The following EFEMP1 variants were observed in gnomAD, a reference collection of about 807,000 sequenced individuals.
The protein encoded by EFEMP1 is EGF-containing fibulin-like extracellular matrix protein 1.
In EFEMP1, 18 loss-of-function variants were observed where a neutral mutation model predicts 65.7. The observed-to-expected ratio is 0.27, with a 90% CI of 0.19 to 0.41. The LOEUF is 0.41. Ranked by LOEUF, EFEMP1 falls within the 10% of genes least tolerant of loss-of-function variation. EFEMP1 has a pLI of 1.00. For synonymous variants in EFEMP1, 237 were observed against 219.7 expected, an observed-to-expected ratio of 1.08 and a Z score of -0.70; for missense variants, 469 against 624.8, an observed-to-expected ratio of 0.75 and a Z score of 2.66.
At chr2:55,879,709 A>G (rs1245101812) in intron 6 of EFEMP1, among the ~76,000 whole-genome samples, 1 of 152,168 alleles carries the variant, frequency 6.6e-6, no homozygotes, top group African/African-American at 2.4e-5. Context: ...GCACCATGCT[A>G]CTTGAAGTGT....
At chr2:55,907,859 G>A (rs1670339413) in intron 5 of EFEMP1, among the ~76,000 whole-genome samples, 2 of 152,160 alleles carry the variant, frequency 1.3e-5, no homozygotes, top group South Asian at 2.1e-4. Context: ...TCCCCACAAC[G>A]ATTTAACTAC....
chr2:55,916,080 A>G (rs1670666389), intron 5 of EFEMP1, among the ~76,000 whole-genome samples: 1 of 151,974 alleles, frequency 6.6e-6, no homozygotes, highest in Non-Finnish European at 1.5e-5. Context: ...GAAATAAATA[A>G]GAGTCAGAGC....
Position 55,870,942 on chromosome 2 carries a change from C to T in EFEMP1, c.1125-27G>A. 2 of 1,613,688 alleles carry T rather than the reference C, an allele frequency of 1.2e-6. No homozygotes were observed. The highest frequency in any genetic ancestry group is 1.7e-5 in the Admixed American group (1 of 59,898). ...TGCAGAGACAAACAAAAGTATTCAG[C>T]AGTTTGGCTTGGTAAGACCAGAAAA... is the stretch of plus-strand genomic sequence containing the variant. On this transcript the variant is annotated intron_variant, in intron 10 of 11. Transcript: ENST00000355426. This position sits in a 1 kb window ranked among gnomAD's most constrained non-coding sequence, Gnocchi z 5.8.
In EFEMP1 at chr2:55,885,711, C is replaced by G. The variant is rs1394344808; in HGVS notation, c.518-3977G>C. On this transcript the variant is annotated intron_variant, in intron 5 of 11. Coordinates refer to ENST00000355426, the MANE Select transcript of EFEMP1 (RefSeq NM_001039348.3). This position sits in a 1 kb window ranked among gnomAD's most constrained non-coding sequence, Gnocchi z 4.3. ...AACACAGGCTAATCTTTGCTCAGCT[C>G]TTCTAGCCTCTTTATCACACCGACC... 6.6e-6 allele frequency among the ~76,000 whole-genome samples: 1 copy of G among 152,090 alleles called. No individual in the cohort carries two copies. Among genetic ancestry groups the G allele is most frequent in the African/African-American group, 2.4e-5 (1 of 41,402 alleles).
chr2:55,918,141 C>T (rs1670776478), intron 4 of EFEMP1, 78 bp downstream of exon 4: 1 of 1,612,838 alleles, frequency 6.2e-7, no homozygotes, highest in South Asian at 1.1e-5. Context: ...TGGTATAACA[C>T]AGACAGGACA....
At chr2:55,898,534 TA>T (rs762286477) in intron 5 of EFEMP1, among the ~76,000 whole-genome samples, 4 of 152,122 alleles carry the variant, frequency 2.6e-5, no homozygotes, top group Non-Finnish European at 4.4e-5. Context: ...CCCTTTTCCA[TA>T]AATCAGACTG....
Position 55,886,899 on chromosome 2 carries a change from C to A in EFEMP1, c.518-5165G>T, listed in dbSNP as rs1010589352. ...CAGTATTTGCTATTGATAATGATAACCTGAGTAATTAATATAATAAATTAT... is the reference window on the plus strand; with the variant it reads ...CAGTATTTGCTATTGATAATGATAAACTGAGTAATTAATATAATAAATTAT... On this transcript the variant is annotated intron_variant, in intron 5 of 11. Coordinates refer to ENST00000355426, the MANE Select transcript of EFEMP1 (RefSeq NM_001039348.3). This position sits in a 1 kb window ranked among gnomAD's most constrained non-coding sequence, Gnocchi z 4.0. Among the ~76,000 whole-genome samples the A allele has an allele frequency of 1.3e-5, 2 of 151,866 alleles. No individual in the cohort carries two copies. The highest frequency in any genetic ancestry group is 2.9e-5 in the Non-Finnish European group (2 of 67,958).
Position 55,869,386 on chromosome 2 carries a change from C to A in EFEMP1, c.1320+1334G>T, listed in dbSNP as rs573990404. The stretch of plus-strand genomic sequence containing the variant: ...AAATTCATTCAGTGGAAATTTCTTA[C>A]AAATATCAAGAATATGTCAAATTTA... On this transcript the variant is annotated intron_variant, in intron 11 of 11. Coordinates refer to ENST00000355426, the MANE Select transcript of EFEMP1 (RefSeq NM_001039348.3). Among the ~76,000 whole-genome samples, 15 of 152,054 alleles carry A rather than the reference C, an allele frequency of 9.9e-5. No homozygotes were observed. The South Asian group carries it at 2.9e-3, about 29-fold the overall frequency.
rs1572856380 is a variant in EFEMP1 at position 55,922,281 on chromosome 2, C to T, written c.81+79G>A. On this transcript the variant is annotated intron_variant, in intron 3 of 11. Coordinates refer to ENST00000355426, the MANE Select transcript of EFEMP1 (RefSeq NM_001039348.3). The surrounding 1 kb of genome is among the most constrained non-coding windows in gnomAD (Gnocchi z 5.5). ...CTCAGCAGAGTATAGCCCAAATACACTGGCAGGGGTGTGTAAAGTCTTTTT... is the reference window on the plus strand; with the variant it reads ...CTCAGCAGAGTATAGCCCAAATACATTGGCAGGGGTGTGTAAAGTCTTTTT... 2.3e-6 allele frequency: 3 copies of T among 1,309,800 alleles called. No individual in the cohort carries two copies. The highest frequency in any genetic ancestry group is 4.7e-5 in the East Asian group (2 of 42,976). The allele number at this position is 1,309,800 out of a possible 1,614,324, so 81.1% of individuals were successfully genotyped here.
At chr2:55,872,574 A>G (rs1668853670) in intron 9 of EFEMP1, among the ~76,000 whole-genome samples, 1 of 152,130 alleles carries the variant, frequency 6.6e-6, no homozygotes, top group Non-Finnish European at 1.5e-5. Context: ...TGAAAAACAA[A>G]TAAGGGTTTA....
chr2:55,922,325 G>A lies in EFEMP1; in HGVS notation c.81+35C>T. On this transcript the variant is annotated intron_variant, in intron 3 of 11. Coordinates refer to ENST00000355426, the MANE Select transcript of EFEMP1 (RefSeq NM_001039348.3). The surrounding 1 kb of genome is among the most constrained non-coding windows in gnomAD (Gnocchi z 5.5). ...TCTTTTTTTGTCACAGAATCCCGCT[G>A]AACCGTACTTATTTCAAATTCCATC... 6.2e-7 allele frequency: 1 copy of A among 1,600,292 alleles called. No homozygotes were observed. Among genetic ancestry groups the A allele is most frequent in the Middle Eastern group, 1.7e-4 (1 of 6,034 alleles).
At chr2:55,893,270 T>A (rs1669701420) in intron 5 of EFEMP1, among the ~76,000 whole-genome samples, 2 of 152,198 alleles carry the variant, frequency 1.3e-5, no homozygotes, top group African/African-American at 4.8e-5. Flanking sequence ...AGCTTTTTTT[T>A]ACTAGCCTTA....
intron 9 of EFEMP1, among the ~76,000 whole-genome samples, chr2:55,874,452 T>C (rs1193681117): frequency 6.6e-6 from 1 of 152,078 alleles, no homozygotes; most frequent in African/African-American, 2.4e-5. Context: ...TTAGCTATTT[T>C]GGGGCTAGTA....
intron 5 of EFEMP1, among the ~76,000 whole-genome samples, chr2:55,881,963 G>T (rs1240362353): frequency 2.0e-5 from 3 of 152,064 alleles, no homozygotes; most frequent in African/African-American, 7.3e-5. Flanking sequence ...TGTCATGTTG[G>T]TCTTGGCTCA....
rs1048963762 is a variant in EFEMP1, at chr2:55,881,843, T to C, written c.518-109A>G. On this transcript the variant is annotated intron_variant, in intron 5 of 11. Coordinates refer to ENST00000355426, the MANE Select transcript of EFEMP1 (RefSeq NM_001039348.3). ...TTTTTACTTTATTCTTAAAAGTTTA[T>C]AATGTTCTTGCATTGGAAATGTTTA... is the stretch of plus-strand genomic sequence containing the variant. The C allele has an allele frequency of 5.8e-6, 8 of 1,371,344 alleles. No individual in the cohort carries two copies. The Admixed American group carries it at 1.2e-4, about 20-fold the overall frequency. 84.9% of individuals were successfully genotyped at this position (1,371,344 alleles called of 1,614,324 possible). A position where few individuals can be genotyped will look rare whatever the true frequency, so the allele number is the denominator to read the frequency against.
Position 55,885,145 on chromosome 2 carries a change from C to T in EFEMP1, c.518-3411G>A, listed in dbSNP as rs1452065576. On this transcript the variant is annotated intron_variant, in intron 5 of 11. Transcript: ENST00000355426. The surrounding 1 kb of genome is among the most constrained non-coding windows in gnomAD (Gnocchi z 4.3). ...AGTGCAGAGGCTATGAGGTATAAAG[C>T]AGATTCGCCAGAAGAGGTGGGTTCT... Among the ~76,000 whole-genome samples, 1 of 152,142 alleles carries T rather than the reference C, an allele frequency of 6.6e-6. No individual in the cohort carries two copies. Among genetic ancestry groups the T allele is most frequent in the Non-Finnish European group, 1.5e-5 (1 of 68,024 alleles).
chr2:55,888,314 C>CT (rs199606331), intron 5 of EFEMP1, among the ~76,000 whole-genome samples: 16 of 134,546 alleles, frequency 1.2e-4, no homozygotes, highest in Admixed American at 3.7e-4. Flanking sequence ...CAGCTAAACT[C>CT]TTTTTTTTTC....
Position 55,921,544 on chromosome 2 carries a change from T to C in EFEMP1, c.81+816A>G, listed in dbSNP as rs1199032119. On this transcript the variant is annotated intron_variant, in intron 3 of 11. Transcript: ENST00000355426. This position sits in a 1 kb window ranked among gnomAD's most constrained non-coding sequence, Gnocchi z 4.1. ...AGGACAAATGTCATTTGCCTAACAC[T>C]GATTAAAGACAAGAAAACACAGAAC... 1.3e-5 allele frequency among the ~76,000 whole-genome samples: 2 copies of C among 152,214 alleles called. No homozygotes were observed. The highest frequency in any genetic ancestry group is 2.4e-5 in the African/African-American group (1 of 41,446).
At chr2:55,876,766 A>G in intron 7 of EFEMP1, 24 bp from the exon 8 acceptor site, 2 of 1,389,158 alleles carry the variant, frequency 1.4e-6, no homozygotes, top group Non-Finnish European at 2.0e-6. Context: ...TTATATATAT[A>G]TATATGTATA....
Sources: allele counts gnomAD v4.1 joint callset (sites outside exome capture counted in the v4.1 genomes callset), GRCh38; gene constraint gnomAD v4.1.1; non-coding constraint Gnocchi (gnomAD v3.1); transcripts MANE v1.5; gene names NCBI Gene and HGNC (gene_info 2026-07-23, HGNC 2026-07-21).